The following HAT1 variants were observed in gnomAD, a reference collection of about 807,000 sequenced individuals.
HAT1 encodes histone acetyltransferase type B catalytic subunit.
HAT1 carries 20 observed loss-of-function variants against 56.6 expected under a neutral mutation model. The observed-to-expected ratio is 0.35, with a 90% CI of 0.25 to 0.51. The LOEUF (loss-of-function observed/expected upper bound fraction) is 0.51, where lower values mean the gene tolerates loss of function less well. HAT1 is among the 20% of genes least tolerant of loss of function. The pLI is 0.95. For missense variants in HAT1, 408 were observed against 504.3 expected, an observed-to-expected ratio of 0.81 and a Z score of 1.83; for synonymous variants, 146 against 165.5, an observed-to-expected ratio of 0.88 and a Z score of 0.91.
chr2:171,947,707 C>T (rs915797664), intron 3 of HAT1, among the ~76,000 whole-genome samples: 16 of 152,064 alleles, frequency 1.1e-4, no homozygotes, highest in Non-Finnish European at 1.5e-4. Flanking sequence ...GGTGAAACCC[C>T]GTCTCTATTA....
chr2:171,927,213 A>G (rs1304944114), intron 2 of HAT1, among the ~76,000 whole-genome samples: 1 of 152,234 alleles, frequency 6.6e-6, no homozygotes, highest in Non-Finnish European at 1.5e-5. Context: ...ACAGCTCTGA[A>G]TTTGCTAAAA....
intron 6 of HAT1, 125 bp from the exon 7 acceptor site, chr2:171,966,284 C>G: frequency 1.4e-6 from 1 of 692,908 alleles, no homozygotes; most frequent in Non-Finnish European, 2.7e-6. Context: ...AGCAGGTGTA[C>G]CCATTGGGCC....
At chr2:171,966,190 G>C in intron 6 of HAT1, 2 of 613,176 alleles carry the variant, frequency 3.3e-6, no homozygotes, top group South Asian at 3.8e-5. Flanking sequence ...CTTTATAATA[G>C]GCAAGTGCAC....
chr2:171,929,500 T>A (rs1335874038), intron 2 of HAT1, among the ~76,000 whole-genome samples: 1 of 152,216 alleles, frequency 6.6e-6, no homozygotes, highest in Non-Finnish European at 1.5e-5. Context: ...TTTTAAAAAT[T>A]TCTATTAGTG....
At chr2:171,922,567 C>T in intron 1 of HAT1, 60 bp downstream of exon 1, 4 of 1,279,294 alleles carry the variant, frequency 3.1e-6, no homozygotes, top group Non-Finnish European at 4.0e-6. Context: ...GATAGAACGC[C>T]GAGACGGTGG....
At chr2:171,928,699 C>T (rs528846539) in intron 2 of HAT1, among the ~76,000 whole-genome samples, 3 of 152,030 alleles carry the variant, frequency 2.0e-5, no homozygotes, top group Non-Finnish European at 2.9e-5. Flanking sequence ...TTAGGAGAGA[C>T]GGAGTTTCAC....
chr2:171,977,546 TATATATATATA>T (rs1438737085), intron 9 of HAT1, among the ~76,000 whole-genome samples: 7 of 14,960 alleles, frequency 4.7e-4, no homozygotes, highest in East Asian at 1.7e-3. Flanking sequence ...TATATATATA[TATATATATATA>T]TTTTTTTTTT....
chr2:171,943,334 C>T (rs1191205811), intron 2 of HAT1, among the ~76,000 whole-genome samples: 1 of 129,346 alleles, frequency 7.7e-6, no homozygotes, highest in Non-Finnish European at 1.6e-5. Context: ...TCACTTGAAC[C>T]CGGGAGGCAG....
chr2:171,949,705 T>G (rs1455570824), intron 3 of HAT1, among the ~76,000 whole-genome samples: 1 of 151,470 alleles, frequency 6.6e-6, no homozygotes, highest in Non-Finnish European at 1.5e-5. Context: ...TTTTAAGAGA[T>G]GGGGGTCTTC....
At chr2:171,957,105 CTT>C (rs1273499460) in intron 4 of HAT1, among the ~76,000 whole-genome samples, 3 of 152,268 alleles carry the variant, frequency 2.0e-5, no homozygotes, top group South Asian at 4.1e-4. Flanking sequence ...AGAATTAAAA[CTT>C]TATAGTGCAG....
rs779584849 is a variant in HAT1 at position 171,976,157 on chromosome 2, C to G, written c.824C>G (p.Ala275Gly). 2 of 1,515,326 alleles carry G rather than the reference C, an allele frequency of 1.3e-6. No homozygotes were observed. The highest frequency in any genetic ancestry group is 2.5e-5 in the South Asian group (2 of 78,528). 93.9% of individuals were successfully genotyped at this position (1,515,326 alleles called of 1,614,324 possible). A position where few individuals can be genotyped will look rare whatever the true frequency, so the allele number is the denominator to read the frequency against. ...ATATTATTCTGCTTTATTTATTTAG[C>G]GGAAGATCCATCCAAAAGCTATGTG... ...TEFPTVLDITAEDPSKSYVKL... is the reference protein window; with the variant it reads ...TEFPTVLDITGEDPSKSYVKL... Residue 275 changes from alanine (A) to glycine (G), a missense_variant and splice_region_variant, in exon 9 of 11, where the codon GCG (alanine) becomes GGG (glycine). Physicochemically the swap from Ala to Gly is moderately conservative, Grantham distance 60 (BLOSUM62 0). Transcript: ENST00000264108.
intron 4 of HAT1, among the ~76,000 whole-genome samples, chr2:171,959,185 T>A (rs1687517964): frequency 6.6e-6 from 1 of 152,234 alleles, no homozygotes; most frequent in African/African-American, 2.4e-5. Flanking sequence ...TAATCTTAGA[T>A]AAACTAGCAT....
At chr2:171,971,776 CAT>C (rs1687821651) in intron 8 of HAT1, among the ~76,000 whole-genome samples, 1 of 152,110 alleles carries the variant, frequency 6.6e-6, no homozygotes, top group Admixed American at 6.6e-5. Flanking sequence ...ATTTGTGGAA[CAT>C]ATTTTGCCTG....
intron 8 of HAT1, among the ~76,000 whole-genome samples, chr2:171,968,717 C>T (rs770626938): frequency 6.6e-6 from 1 of 152,122 alleles, no homozygotes; most frequent in Non-Finnish European, 1.5e-5. Context: ...CAGCTGTTCT[C>T]ATTAAGATAT....
chr2:171,983,124 G>T lies in HAT1; in HGVS notation c.1093-61G>T. 5.1e-6 allele frequency: 5 copies of T among 981,312 alleles called. No individual in the cohort carries two copies. The South Asian group carries it at 6.0e-5, about 12-fold the overall frequency. The allele number at this position is 981,312 out of a possible 1,614,324, so 60.8% of individuals were successfully genotyped here. A position where few individuals can be genotyped will look rare whatever the true frequency, so the allele number is the denominator to read the frequency against. On this transcript the variant is annotated intron_variant, in intron 10 of 10. Coordinates refer to ENST00000264108, the MANE Select transcript of HAT1 (RefSeq NM_003642.4). ...TTTTTAACATTGGAGACTTAAAATTGTAAGACTATAAGGAAATATATTTAC... is the reference window on the plus strand; with the variant it reads ...TTTTTAACATTGGAGACTTAAAATTTTAAGACTATAAGGAAATATATTTAC...
intron 2 of HAT1, among the ~76,000 whole-genome samples, chr2:171,938,998 C>T (rs1686947510): frequency 6.6e-6 from 1 of 152,184 alleles, no homozygotes; most frequent in African/African-American, 2.4e-5. Flanking sequence ...GCCTTGGCCT[C>T]CCAAAGTGCT....
At chr2:171,974,395 A>G (rs1410232863) in intron 8 of HAT1, among the ~76,000 whole-genome samples, 1 of 152,098 alleles carries the variant, frequency 6.6e-6, no homozygotes, top group Admixed American at 6.6e-5. Flanking sequence ...TTGTTTTAGT[A>G]TGTAGAAATA....
intron 3 of HAT1, among the ~76,000 whole-genome samples, chr2:171,950,058 G>T (rs1295626908): frequency 6.6e-6 from 1 of 152,166 alleles, no homozygotes; most frequent in African/African-American, 2.4e-5. Context: ...GTAGGAAAGG[G>T]TATTTAGACA....
At chr2:171,944,207 A>G (rs1325730182) in intron 2 of HAT1, among the ~76,000 whole-genome samples, 1 of 152,008 alleles carries the variant, frequency 6.6e-6, no homozygotes, top group African/African-American at 2.4e-5. Context: ...TTTAGTTGTA[A>G]TGTTTCTTAA....
Sources: gnomAD v4.1 joint callset for allele counts (sites outside exome capture counted in the v4.1 genomes callset) on GRCh38, gnomAD v4.1.1 for gene constraint, MANE v1.5 for transcripts, NCBI Gene and HGNC (gene_info 2026-07-23, HGNC 2026-07-21) for gene names.